LRRC17: variants seen among roughly 807,000 people sequenced by gnomAD.
LRRC17 encodes leucine-rich repeat-containing protein 17.
LRRC17 carries 33 observed loss-of-function variants against 41.5 expected under a neutral mutation model. The ratio of observed to expected loss-of-function variants is 0.80; its 90% confidence interval spans 0.60 to 1.06. The LOEUF is 1.06. LRRC17 is among the 50% of genes least tolerant of loss of function. LRRC17 has a pLI of 0.00. For synonymous variants in LRRC17, 192 were observed against 197.0 expected, an observed-to-expected ratio of 0.97 and a Z score of 0.21; for missense variants, 491 against 519.3, an observed-to-expected ratio of 0.95 and a Z score of 0.53.
Position 102,939,576 on chromosome 7 carries a change from A to G in LRRC17, c.919A>G (p.Ile307Val). Residue 307 changes from isoleucine (I) to valine (V), a missense_variant, in exon 3 of 4, where the codon ATC (isoleucine) becomes GTC (valine). Transcript: ENST00000339431. ...CCTCAGCAGCAATGGCATTGAATTCATCGATCCTGGTAAGTTCCCCTGTAT... is the reference window on the plus strand; with the variant it reads ...CCTCAGCAGCAATGGCATTGAATTCGTCGATCCTGGTAAGTTCCCCTGTAT... The part of the protein sequence containing the change: ...LNLSSNGIEF[I>V]DPAAFLGLTH... 1 of 1,613,260 alleles carries G rather than the reference A, an allele frequency of 6.2e-7. No homozygotes were observed. The highest frequency in any genetic ancestry group is 8.5e-7 in the Non-Finnish European group (1 of 1,179,716).
chr7:102,942,738 TA>T (rs1821712167), intron 3 of LRRC17, among the ~76,000 whole-genome samples: 1 of 152,176 alleles, frequency 6.6e-6, no homozygotes, highest in African/African-American at 2.4e-5. Context: ...GTTATTTTTT[TA>T]AGGGGGAATT....
At chr7:102,930,856 T>C (rs1258636208) in intron 1 of LRRC17, among the ~76,000 whole-genome samples, 6 of 152,372 alleles carry the variant, frequency 3.9e-5, no homozygotes, top group East Asian at 3.8e-4. Context: ...ATGTTGTCCA[T>C]TGCCTACTTG....
intron 1 of LRRC17, chr7:102,931,796 C>G: frequency 7.8e-7 from 1 of 1,278,462 alleles, no homozygotes. Context: ...CAAATAAGCA[C>G]ACAAGCATCT....
intron 1 of LRRC17, among the ~76,000 whole-genome samples, chr7:102,922,426 G>A (rs569707169): frequency 1.1e-4 from 17 of 151,964 alleles, no homozygotes; most frequent in Non-Finnish European, 1.9e-4. Context: ...TTAATTATTG[G>A]TTTACTGATA....
intron 1 of LRRC17, among the ~76,000 whole-genome samples, chr7:102,926,818 A>T (rs1818230509): frequency 1.3e-5 from 2 of 152,252 alleles, no homozygotes; most frequent in Non-Finnish European, 1.5e-5. Flanking sequence ...GTCCATATTT[A>T]TACACATATA....
intron 3 of LRRC17, among the ~76,000 whole-genome samples, chr7:102,943,949 A>G (rs1014370822): frequency 6.6e-6 from 1 of 152,218 alleles, no homozygotes; most frequent in Non-Finnish European, 1.5e-5. Context: ...GTCCTTGGAA[A>G]ATACATTCTT....
intron 1 of LRRC17, 94 bp downstream of exon 1, chr7:102,913,239 G>A: frequency 6.2e-7 from 1 of 1,613,716 alleles, no homozygotes; most frequent in Non-Finnish European, 8.5e-7. Context: ...AGAGAGGAAG[G>A]AAAGTATTAT....
At chr7:102,915,604 C>T (rs1053500311) in intron 1 of LRRC17, among the ~76,000 whole-genome samples, 4 of 152,142 alleles carry the variant, frequency 2.6e-5, no homozygotes, top group African/African-American at 9.7e-5. Context: ...GTCACAGACA[C>T]CTTTGGCTTT....
At position 102,918,059 on chromosome 7, in the gene LRRC17, T is replaced by A. The variant is rs147895662; in HGVS notation, c.-141+4914T>A. On this transcript the variant is annotated intron_variant, in intron 1 of 3. Transcript: ENST00000339431. ...ATTTTTCTCTTGGCAAGTACTTTTT[T>A]TGGAAAGAAATACTAAAAGCAATGA... Among the ~76,000 whole-genome samples, 38 of 152,284 alleles carry A rather than the reference T, an allele frequency of 2.5e-4. No individual in the cohort carries two copies. The East Asian group carries it at 6.4e-3, about 25-fold the overall frequency.
intron 2 of LRRC17, among the ~76,000 whole-genome samples, chr7:102,939,128 T>G (rs1167839308): frequency 1.3e-5 from 2 of 152,214 alleles, no homozygotes; most frequent in East Asian, 3.8e-4. Flanking sequence ...GGCTGCTTTC[T>G]AGAACCTAGG....
At chr7:102,917,236 G>A (rs1247457795) in intron 1 of LRRC17, among the ~76,000 whole-genome samples, 1 of 152,142 alleles carries the variant, frequency 6.6e-6, no homozygotes, top group Non-Finnish European at 1.5e-5. Context: ...GCCCCACTTT[G>A]ATAGGCACTG....
intron 1 of LRRC17, among the ~76,000 whole-genome samples, chr7:102,919,977 T>C (rs931964178): frequency 6.6e-6 from 1 of 152,146 alleles, no homozygotes; most frequent in Non-Finnish European, 1.5e-5. Context: ...AACACTACAA[T>C]TCGATATTAA....
At chr7:102,913,551 C>T (rs944468241) in intron 1 of LRRC17, among the ~76,000 whole-genome samples, 4 of 152,010 alleles carry the variant, frequency 2.6e-5, no homozygotes, top group African/African-American at 9.7e-5. Flanking sequence ...GGAAGTGAAA[C>T]CAAATTTGCA....
chr7:102,941,795 G>A (rs1223181645), intron 3 of LRRC17, among the ~76,000 whole-genome samples: 6 of 151,894 alleles, frequency 4.0e-5, no homozygotes, highest in Non-Finnish European at 7.4e-5. Flanking sequence ...TAAGTTAAAT[G>A]TATTAAAGTA....
intron 1 of LRRC17, among the ~76,000 whole-genome samples, chr7:102,916,984 A>C (rs918083431): frequency 2.0e-5 from 3 of 152,068 alleles, no homozygotes; most frequent in Non-Finnish European, 4.4e-5. Flanking sequence ...TACTACTAAG[A>C]TGAATGGAAA....
In LRRC17 at chr7:102,944,366, A is replaced by G; in HGVS notation, c.1085A>G (p.Tyr362Cys). ...WRCDYNIHYL[Y>C]YWLKHHYNVH... ...TGTGACTACAACATTCACTACCTCT[A>G]CTACTGGTTAAAGCACCACTACAAT... The change falls in exon 4 of 4, where the codon TAC (tyrosine) becomes TGC (cysteine). Residue 362 changes from tyrosine to cysteine, a missense_variant. Tyr to Cys is a radical substitution (Grantham distance 194). Transcript: ENST00000339431. 6.2e-7 allele frequency: 1 copy of G among 1,614,104 alleles called. No individual in the cohort carries two copies. Among genetic ancestry groups the G allele is most frequent in the Non-Finnish European group, 8.5e-7 (1 of 1,179,966 alleles).
intron 3 of LRRC17, among the ~76,000 whole-genome samples, chr7:102,941,420 C>A (rs1184097198): frequency 1.3e-5 from 2 of 152,102 alleles, no homozygotes; most frequent in African/African-American, 4.8e-5. Context: ...ACTTCCCAAG[C>A]CCCTACCTAG....
chr7:102,942,029 G>A (rs2129475625), intron 3 of LRRC17, among the ~76,000 whole-genome samples: 1 of 152,222 alleles, frequency 6.6e-6, no homozygotes, highest in South Asian at 2.1e-4. Context: ...TCCCCTGAAG[G>A]CCTTTTAATC....
At chr7:102,927,842 C>T (rs915979456) in intron 1 of LRRC17, among the ~76,000 whole-genome samples, 1 of 152,206 alleles carries the variant, frequency 6.6e-6, no homozygotes, top group Non-Finnish European at 1.5e-5. Context: ...AGAATAACCA[C>T]GTGTGGCACT....
Sources: allele counts gnomAD v4.1 joint callset (sites outside exome capture counted in the v4.1 genomes callset), GRCh38; gene constraint gnomAD v4.1.1; transcripts MANE v1.5; gene names NCBI Gene and HGNC (gene_info 2026-07-23, HGNC 2026-07-21).